MED27: variants seen among roughly 807,000 people sequenced by gnomAD.
MED27 encodes mediator complex subunit 27.
A neutral mutation model predicts 38.2 loss-of-function variants in MED27; 30 were observed. The observed-to-expected ratio is 0.79, with a 90% confidence interval of 0.59 to 1.07. MED27 has a LOEUF of 1.07. Among genes scored for constraint, MED27 ranks in the 50% least tolerant of loss-of-function variants. The probability of loss-of-function intolerance (pLI) is 0.00; values close to 1 mark genes in which losing one functional copy is unlikely to be tolerated. For missense variants in MED27, 289 were observed against 397.5 expected, an observed-to-expected ratio of 0.73 and a Z score of 2.32; for synonymous variants, 122 against 153.5, an observed-to-expected ratio of 0.79 and a Z score of 1.52.
chr9:131,990,849 C>T lies in MED27; in HGVS notation c.479+23488G>A, dbSNP rs554768926. ...TATGCAAATCACCAGGAACAGTATT[C>T]TCTCCTCATAGTCAAGGGCACATAA... On this transcript the variant is annotated intron_variant, in intron 3 of 7. Coordinates refer to ENST00000292035, the MANE Select transcript of MED27 (RefSeq NM_004269.4). 2.0e-5 allele frequency among the ~76,000 whole-genome samples: 3 copies of T among 152,336 alleles called. No homozygotes were observed. In the South Asian group the frequency reaches 6.2e-4, roughly 32 times the overall value.
At chr9:132,037,072 C>T (rs989370815) in intron 2 of MED27, among the ~76,000 whole-genome samples, 1 of 152,090 alleles carries the variant, frequency 6.6e-6, no homozygotes, top group East Asian at 1.9e-4. Context: ...GGGTGGAAGA[C>T]GAAATGTTGA....
At chr9:131,995,240 T>C (rs1178584813) in intron 3 of MED27, among the ~76,000 whole-genome samples, 1 of 152,016 alleles carries the variant, frequency 6.6e-6, no homozygotes, top group Non-Finnish European at 1.5e-5. Context: ...TCACCCACCA[T>C]GGAAAAGGCA....
At chr9:131,934,433 A>C (rs548031617) in intron 4 of MED27, among the ~76,000 whole-genome samples, 121 of 152,266 alleles carry the variant, frequency 7.9e-4, no homozygotes, top group Middle Eastern at 3.4e-3. Flanking sequence ...TGAACTCTAC[A>C]GGAAAAAAAA....
chr9:131,993,243 TA>T lies in MED27; in HGVS notation c.479+21093del, dbSNP rs113721791. Among the ~76,000 whole-genome samples the T allele has an allele frequency of 4.4e-3, 672 of 151,236 alleles. 6 individuals are homozygous for T. The highest frequency in any genetic ancestry group is 0.015 in the African/African-American group (621 of 41,150). On this transcript the variant is annotated intron_variant, in intron 3 of 7. Transcript: ENST00000292035. The stretch of plus-strand genomic sequence containing the variant: ...GTTGTTATTCATGTTTTTTTTTTTT[TA>T]AAAAATTCAAGTTTTTCCTTACAGA...
chr9:131,926,970 A>G (rs1453756765), intron 4 of MED27, among the ~76,000 whole-genome samples: 1 of 152,222 alleles, frequency 6.6e-6, no homozygotes, highest in Non-Finnish European at 1.5e-5. Flanking sequence ...AAAATTGTAA[A>G]TTAATATTTT....
chr9:131,869,702 C>A (rs917634873), intron 6 of MED27, among the ~76,000 whole-genome samples: 2 of 152,084 alleles, frequency 1.3e-5, no homozygotes, highest in Admixed American at 1.3e-4. Flanking sequence ...AAGAGGAATG[C>A]GGGGATGGGG....
At chr9:131,891,214 C>T (rs1006619304) in intron 5 of MED27, among the ~76,000 whole-genome samples, 2 of 151,984 alleles carry the variant, frequency 1.3e-5, no homozygotes, top group African/African-American at 4.8e-5. Context: ...AGGCACAAAA[C>T]GTGCAAATAC....
intron 2 of MED27, among the ~76,000 whole-genome samples, chr9:132,069,437 G>A (rs573643443): frequency 6.6e-6 from 1 of 152,304 alleles, no homozygotes; most frequent in South Asian, 2.1e-4. Flanking sequence ...GATAGAAACC[G>A]TTTAGAATGA....
intron 2 of MED27, among the ~76,000 whole-genome samples, chr9:132,045,888 C>A (rs144645621): frequency 2.8e-4 from 42 of 152,284 alleles, no homozygotes; most frequent in Non-Finnish European, 5.4e-4. Context: ...TCTGTTCCTT[C>A]TTCTTCACTA....
intron 4 of MED27, among the ~76,000 whole-genome samples, chr9:131,905,320 G>GAATCCTCGACAGC (rs1298050093): frequency 6.6e-6 from 1 of 152,190 alleles, no homozygotes; most frequent in Admixed American, 6.5e-5. Flanking sequence ...ATGTGAAGAG[G>GAATCCTCGACAGC]AATCCTCGAC....
chr9:131,910,648 C>G (rs1024574692), intron 4 of MED27, among the ~76,000 whole-genome samples: 1 of 152,174 alleles, frequency 6.6e-6, no homozygotes, highest in Non-Finnish European at 1.5e-5. Flanking sequence ...AGATGTCCTG[C>G]TATGCAGGGC....
At chr9:131,869,409 C>T in intron 6 of MED27, 1 of 680,116 alleles carries the variant, frequency 1.5e-6, no homozygotes, top group Non-Finnish European at 1.8e-6. Flanking sequence ...AAAAAAAAAT[C>T]TGCTATTAAC....
At chr9:132,036,191 T>C (rs1164107120) in intron 2 of MED27, among the ~76,000 whole-genome samples, 1 of 152,196 alleles carries the variant, frequency 6.6e-6, no homozygotes, top group African/African-American at 2.4e-5. Flanking sequence ...TTTTGGTTTA[T>C]ATGTATTACT....
intron 3 of MED27, among the ~76,000 whole-genome samples, chr9:131,964,268 C>G (rs1187771379): frequency 1.8e-3 from 1 of 544 alleles, no homozygotes; most frequent in Non-Finnish European, 2.5e-3. Flanking sequence ...TAAATAACAG[C>G]TGCCAGCAGT....
In MED27 at chr9:131,869,028, C is replaced by T. The variant is rs1040006959; in HGVS notation, c.724-5888G>A. On this transcript the variant is annotated intron_variant, in intron 6 of 7. Transcript: ENST00000292035. ...GGTCGGCAATCTGGCCAAACTCAGC[C>T]TCTTTTTCAAAAAGTCCAGTATAAA... 9.1e-6 allele frequency: 9 copies of T among 985,374 alleles called. No homozygotes were observed. The African/African-American group carries it at 1.4e-4, about 15-fold the overall frequency. 61.0% of individuals were successfully genotyped at this position (985,374 alleles called of 1,614,324 possible).
At chr9:131,970,525 G>A (rs1474426716) in intron 3 of MED27, among the ~76,000 whole-genome samples, 3 of 152,228 alleles carry the variant, frequency 2.0e-5, no homozygotes, top group East Asian at 1.9e-4. Context: ...TCCACACCAC[G>A]AAACAGGGAC....
chr9:132,033,042 T>C (rs1046747247), intron 2 of MED27, among the ~76,000 whole-genome samples: 1 of 152,208 alleles, frequency 6.6e-6, no homozygotes, highest in Non-Finnish European at 1.5e-5. Context: ...ATCACTCAAA[T>C]ATTTTTCCTA....
rs535644989 is a variant in MED27 at position 131,955,617 on chromosome 9, C to T, written c.480-16143G>A. Reference sequence around the variant, plus strand: ...AGGCATTAGAAGAGAATACTATGAACCAATCTCTTCGACAGCTAGACGAAG... The same window carrying T: ...AGGCATTAGAAGAGAATACTATGAATCAATCTCTTCGACAGCTAGACGAAG... On this transcript the variant is annotated intron_variant, in intron 3 of 7. Transcript: ENST00000292035. 1.5e-4 allele frequency among the ~76,000 whole-genome samples: 23 copies of T among 152,294 alleles called. No individual in the cohort carries two copies. In the East Asian group the frequency reaches 4.4e-3, roughly 29 times the overall value.
chr9:131,916,072 T>G (rs772016699), intron 4 of MED27, among the ~76,000 whole-genome samples: 5 of 152,250 alleles, frequency 3.3e-5, no homozygotes, highest in Non-Finnish European at 5.9e-5. Flanking sequence ...TACTAATTTT[T>G]TAATTCAATC....
Sources: allele counts gnomAD v4.1 joint callset (sites outside exome capture counted in the v4.1 genomes callset), GRCh38; gene constraint gnomAD v4.1.1; transcripts MANE v1.5; gene names NCBI Gene and HGNC (gene_info 2026-07-23, HGNC 2026-07-21).